PAG1: variants seen among roughly 807,000 people sequenced by gnomAD.
PAG1 encodes phosphoprotein membrane anchor with glycosphingolipid microdomains 1.
PAG1 carries 23 observed loss-of-function variants against 31.7 expected under a neutral mutation model. The observed-to-expected ratio is 0.73, with a 90% CI of 0.52 to 1.03. The LOEUF (loss-of-function observed/expected upper bound fraction) is 1.03. PAG1 is among the 50% of genes least tolerant of loss of function. PAG1 has a pLI of 0.00. For synonymous variants in PAG1, 214 were observed against 210.3 expected (o/e 1.02, Z -0.15); for missense variants, 473 against 540.7 (o/e 0.87, Z 1.24).
chr8:81,090,933 T>C (rs1431002218), intron 1 of PAG1, among the ~76,000 whole-genome samples: 1 of 152,202 alleles, frequency 6.6e-6, no homozygotes, highest in East Asian at 1.9e-4. Flanking sequence ...CAGATTGGCA[T>C]GTTAGAAAAT....
chr8:80,986,165 C>G (rs186688742), intron 6 of PAG1, among the ~76,000 whole-genome samples: 1 of 152,306 alleles, frequency 6.6e-6, no homozygotes, highest in Admixed American at 6.5e-5. Flanking sequence ...TAGTGTCTCA[C>G]TCTGGGGGAA....
chr8:81,008,449 T>C (rs982607584), intron 3 of PAG1, among the ~76,000 whole-genome samples: 5 of 151,602 alleles, frequency 3.3e-5, no homozygotes, highest in Non-Finnish European at 5.9e-5. Flanking sequence ...GTAGCCAGGA[T>C]CCATCTAAGA....
chr8:80,991,963 G>A (rs1807559308), intron 4 of PAG1, among the ~76,000 whole-genome samples: 1 of 151,776 alleles, frequency 6.6e-6, no homozygotes, highest in Admixed American at 6.6e-5. Context: ...ACGCCAGGAA[G>A]GGTACATGCT....
At chr8:81,050,714 T>G (rs1462622076) in intron 2 of PAG1, among the ~76,000 whole-genome samples, 2 of 152,120 alleles carry the variant, frequency 1.3e-5, no homozygotes, top group African/African-American at 4.8e-5. Context: ...GTAAACCCAG[T>G]GAGATAATGT....
chr8:80,987,454 C>A lies in PAG1; in HGVS notation c.190G>T (p.Glu64Ter). 6.2e-7 allele frequency: 1 copy of A among 1,613,486 alleles called. No individual in the cohort carries two copies. The highest frequency in any genetic ancestry group is 1.1e-5 in the South Asian group (1 of 91,064). The change falls in exon 6 of 9, where the codon GAG becomes TAG. Residue 64 changes from glutamate to a stop codon, truncating the protein, a stop_gained. Transcript: ENST00000220597. LOFTEE classifies it high-confidence loss of function. Reference sequence around the variant, plus strand: ...CTAGTAACTGAACGGCTGAACATCTCCTTGTCTGAAGGCTGAAAACAAAAA... The same window carrying A: ...CTAGTAACTGAACGGCTGAACATCTACTTGTCTGAAGGCTGAAAACAAAAA... Reference protein sequence around the residue: ...ENLMNVPSDKEMFSRSVTSLA... With the variant: ...ENLMNVPSDK
At chr8:81,096,208 G>C (rs181926568) in intron 1 of PAG1, among the ~76,000 whole-genome samples, 198 of 152,240 alleles carry the variant, frequency 1.3e-3, no homozygotes, top group African/African-American at 4.6e-3. Context: ...AGTACTGTAA[G>C]GCACTCATGT....
At chr8:81,022,291 G>A (rs923899822) in intron 3 of PAG1, among the ~76,000 whole-genome samples, 4 of 152,096 alleles carry the variant, frequency 2.6e-5, no homozygotes, top group Non-Finnish European at 5.9e-5. Flanking sequence ...AAATGTAAAA[G>A]TTATTTCATT....
At chr8:81,006,149 G>T (rs1027774871) in intron 3 of PAG1, among the ~76,000 whole-genome samples, 2 of 151,924 alleles carry the variant, frequency 1.3e-5, no homozygotes, top group Non-Finnish European at 2.9e-5. Context: ...CATCATGTTG[G>T]CCAGGCTGGT....
intron 8 of PAG1, among the ~76,000 whole-genome samples, chr8:80,978,209 ACAGT>A (rs537804779): frequency 1.7e-3 from 264 of 152,310 alleles, no homozygotes; most frequent in Middle Eastern, 3.4e-3. Flanking sequence ...GTTCAGAAAA[ACAGT>A]CTTTGGAAAA....
chr8:81,024,377 C>A (rs1435042244), intron 3 of PAG1, among the ~76,000 whole-genome samples: 2 of 152,178 alleles, frequency 1.3e-5, no homozygotes, highest in Non-Finnish European at 2.9e-5. Context: ...GAGCGGCTGA[C>A]ACCCCCGGGC....
Position 81,035,345 on chromosome 8 carries a change from A to C in PAG1, c.-174-5256T>G, listed in dbSNP as rs975221232. ...AAGGCCAAGGAGTAAGGATTATGGG[A>C]GCCTGAGAATCATCTTAGGATACCA... On this transcript the variant is annotated intron_variant, in intron 2 of 8. Transcript: ENST00000220597. Among the ~76,000 whole-genome samples, 4 of 152,164 alleles carry C rather than the reference A, an allele frequency of 2.6e-5. 1 individual carries two copies. Among genetic ancestry groups the C allele is most frequent in the African/African-American group, 9.7e-5 (4 of 41,428 alleles).
chr8:81,030,629 G>T (rs563089479), intron 2 of PAG1, among the ~76,000 whole-genome samples: 2 of 152,288 alleles, frequency 1.3e-5, no homozygotes, highest in South Asian at 4.1e-4. Flanking sequence ...GTCCCTTCAC[G>T]CATTCTGCTG....
At chr8:81,087,128 A>T (rs2131044500) in intron 1 of PAG1, among the ~76,000 whole-genome samples, 1 of 152,282 alleles carries the variant, frequency 6.6e-6, no homozygotes, top group Non-Finnish European at 1.5e-5. Context: ...GCGGATCCCG[A>T]GGTCAGGAGA....
Position 80,985,132 on chromosome 8 carries a change from T to C in PAG1, c.520A>G (p.Asn174Asp). 1 of 1,614,148 alleles carries C rather than the reference T, an allele frequency of 6.2e-7. No homozygotes were observed. Residue 174 changes from asparagine to aspartate, a missense_variant, in exon 7 of 9, where the codon AAC becomes GAC. Coordinates refer to ENST00000220597, the MANE Select transcript of PAG1 (RefSeq NM_018440.4). ...TCATACAAGCAGTCCTCCACCATGTTTTCTTGGGAGGAGCTGTCCTTGAGC... is the reference window on the plus strand; with the variant it reads ...TCATACAAGCAGTCCTCCACCATGTCTTCTTGGGAGGAGCTGTCCTTGAGC... ...EVLKDSSSQE[N>D]MVEDCLYETV...
At position 80,968,506 on chromosome 8, in the gene PAG1, C is replaced by T. The variant is rs1351508038; in HGVS notation, c.*8038G>A. ...CACTTTTCCAATAAATAAAAAAGTGCATTTTTTTCACCCATAAAAATTTTT... is the reference window on the plus strand; with the variant it reads ...CACTTTTCCAATAAATAAAAAAGTGTATTTTTTTCACCCATAAAAATTTTT... On this transcript the variant is annotated 3_prime_UTR_variant, in exon 9 of 9. Coordinates refer to ENST00000220597, the MANE Select transcript of PAG1 (RefSeq NM_018440.4). The T allele has an allele frequency of 6.6e-6, 1 of 152,126 alleles. No individual in the cohort carries two copies. The highest frequency in any genetic ancestry group is 6.5e-5 in the Admixed American group (1 of 15,268). The allele number at this position is 152,126 out of a possible 1,614,324, so 9.4% of individuals were successfully genotyped here.
At chr8:81,042,754 C>A (rs574259611) in intron 2 of PAG1, among the ~76,000 whole-genome samples, 1 of 152,132 alleles carries the variant, frequency 6.6e-6, no homozygotes, top group Non-Finnish European at 1.5e-5. Flanking sequence ...AAAGACTTTT[C>A]CCTCCCATTT....
chr8:81,050,612 T>G (rs1425211162), intron 2 of PAG1, among the ~76,000 whole-genome samples: 4 of 152,228 alleles, frequency 2.6e-5, no homozygotes, highest in Admixed American at 2.6e-4. Flanking sequence ...GTCCTTTCTA[T>G]CTGTATTTGT....
intron 5 of PAG1, 25 bp from the exon 6 acceptor site, chr8:80,987,491 A>G: frequency 6.7e-7 from 1 of 1,494,902 alleles, no homozygotes; most frequent in South Asian, 1.1e-5. Context: ...AAAAACAAAA[A>G]CAAATGCATC....
chr8:81,027,765 C>T (rs564485855), intron 3 of PAG1, among the ~76,000 whole-genome samples: 25 of 152,056 alleles, frequency 1.6e-4, no homozygotes, highest in African/African-American at 5.8e-4. Context: ...ATTAGCTGGG[C>T]GTGGTGGCGG....
Sources: allele counts gnomAD v4.1 joint callset (sites outside exome capture counted in the v4.1 genomes callset), GRCh38; gene constraint gnomAD v4.1.1; transcripts MANE v1.5; gene names NCBI Gene and HGNC (gene_info 2026-07-23, HGNC 2026-07-21).